PRLR: variants seen among roughly 807,000 people sequenced by gnomAD.
PRLR encodes prolactin receptor.
A neutral mutation model predicts 40.2 loss-of-function variants in PRLR; 13 were observed. The observed-to-expected ratio is 0.32, with a 90% CI of 0.21 to 0.51. PRLR has a LOEUF of 0.51. Ranked by LOEUF, PRLR falls within the 20% of genes least tolerant of loss-of-function variation. The pLI is 0.97. For missense variants in PRLR, 656 were observed against 747.3 expected, an observed-to-expected ratio of 0.88 and a Z score of 1.42; for synonymous variants, 269 against 278.7, an observed-to-expected ratio of 0.97 and a Z score of 0.35.
intron 1 of PRLR, among the ~76,000 whole-genome samples, chr5:35,224,250 C>T (rs371496537): frequency 3.3e-5 from 5 of 152,170 alleles, no homozygotes; most frequent in Admixed American, 2.6e-4. Context: ...CATAGCTCCC[C>T]GCCCCACATC....
intron 1 of PRLR, among the ~76,000 whole-genome samples, chr5:35,151,201 C>A: frequency 6.6e-6 from 1 of 152,128 alleles, no homozygotes; most frequent in Non-Finnish European, 1.5e-5. Flanking sequence ...TGATATAATT[C>A]CCTTCCAGCT....
intron 5 of PRLR, among the ~76,000 whole-genome samples, chr5:35,078,666 C>G: frequency 6.6e-6 from 1 of 152,080 alleles, no homozygotes; most frequent in East Asian, 1.9e-4. Flanking sequence ...TGAAACTATT[C>G]CAATCAATAG....
chr5:35,084,715 C>T (rs1770736399), intron 4 of PRLR, 76 bp from the exon 5 acceptor site: 13 of 1,380,362 alleles, frequency 9.4e-6, no homozygotes, highest in Non-Finnish European at 1.2e-5. Flanking sequence ...TAGATCAATA[C>T]CACTGGCCTT....
chr5:35,076,811 C>T (rs1770133404), intron 5 of PRLR, among the ~76,000 whole-genome samples: 1 of 152,136 alleles, frequency 6.6e-6, no homozygotes, highest in African/African-American at 2.4e-5. Flanking sequence ...TCAGGCTACC[C>T]ACAAAGGGAA....
chr5:35,177,313 G>A (rs1206235595), intron 1 of PRLR, among the ~76,000 whole-genome samples: 2 of 152,022 alleles, frequency 1.3e-5, no homozygotes, highest in South Asian at 2.1e-4. Context: ...TCCACCTTAC[G>A]AGAAACACCC....
At chr5:35,125,423 T>C (rs1007298233) in intron 1 of PRLR, among the ~76,000 whole-genome samples, 1 of 152,168 alleles carries the variant, frequency 6.6e-6, no homozygotes, top group African/African-American at 2.4e-5. Context: ...ACACTAATAA[T>C]TTAAAGTGAA....
intron 1 of PRLR, among the ~76,000 whole-genome samples, chr5:35,207,352 T>C (rs1402071443): frequency 6.6e-6 from 1 of 152,092 alleles, no homozygotes; most frequent in Admixed American, 6.6e-5. Context: ...ATATTTATCC[T>C]GTAGTCCAGT....
Position 35,197,416 on chromosome 5 carries a change from C to CG in PRLR, c.-106+32851dup, listed in dbSNP as rs1232369663. ...CTGCTCCCCCAGGTCTACCCAAGTGCGGGGTTCCCCCTGGGAAGTTTCCCT... is the reference window on the plus strand; with the variant it reads ...CTGCTCCCCCAGGTCTACCCAAGTGCGGGGGTTCCCCCTGGGAAGTTTCCCT... On this transcript the variant is annotated intron_variant, in intron 1 of 9. Transcript: ENST00000618457. 6.6e-5 allele frequency among the ~76,000 whole-genome samples: 10 copies of CG among 152,176 alleles called. 1 individual carries two copies. The highest frequency in any genetic ancestry group is 3.3e-4 in the Admixed American group (5 of 15,286).
Position 35,056,312 on chromosome 5 carries a change from T to A in PRLR, c.*8777A>T, listed in dbSNP as rs916692821. On this transcript the variant is annotated 3_prime_UTR_variant, in exon 10 of 10. Coordinates refer to ENST00000618457, the MANE Select transcript of PRLR (RefSeq NM_000949.7). ...AAAAACAGACTCAGTTTCATCTGCA[T>A]AGTTTCGAGGGACTTTCAAAGGTGA... 5 of 152,128 alleles carry A rather than the reference T, an allele frequency of 3.3e-5. No homozygotes were observed. The highest frequency in any genetic ancestry group is 5.9e-5 in the Non-Finnish European group (4 of 68,032). 9.4% of individuals were successfully genotyped at this position (152,128 alleles called of 1,614,324 possible). A position where few individuals can be genotyped will look rare whatever the true frequency, so the allele number is the denominator to read the frequency against.
At chr5:35,125,963 G>A (rs1009921477) in intron 1 of PRLR, among the ~76,000 whole-genome samples, 3 of 152,158 alleles carry the variant, frequency 2.0e-5, no homozygotes, top group African/African-American at 4.8e-5. Context: ...TGACCCTTAC[G>A]AAGCAGCAAA....
At chr5:35,181,725 A>G (rs574253054) in intron 1 of PRLR, among the ~76,000 whole-genome samples, 1 of 152,240 alleles carries the variant, frequency 6.6e-6, no homozygotes, top group Non-Finnish European at 1.5e-5. Context: ...CTTCTTAAGC[A>G]GAAAAGGCTC....
At chr5:35,159,244 C>G (rs1221165514) in intron 1 of PRLR, among the ~76,000 whole-genome samples, 1 of 151,620 alleles carries the variant, frequency 6.6e-6, no homozygotes, top group African/African-American at 2.4e-5. Flanking sequence ...TTTTTGGCAT[C>G]CTTCGGCCTT....
At chr5:35,222,854 T>C (rs1374507180) in intron 1 of PRLR, among the ~76,000 whole-genome samples, 1 of 152,202 alleles carries the variant, frequency 6.6e-6, no homozygotes, top group Non-Finnish European at 1.5e-5. Flanking sequence ...TCTCAATTTG[T>C]AAAGTTGGAG....
At chr5:35,132,131 T>C (rs1251728411) in intron 1 of PRLR, among the ~76,000 whole-genome samples, 3 of 152,226 alleles carry the variant, frequency 2.0e-5, no homozygotes, top group Non-Finnish European at 4.4e-5. Flanking sequence ...TCAGGGTTTC[T>C]ATTTTATTCA....
intron 1 of PRLR, among the ~76,000 whole-genome samples, chr5:35,142,823 G>GT (rs1774062466): frequency 6.6e-6 from 1 of 152,200 alleles, no homozygotes; most frequent in Admixed American, 6.5e-5. Flanking sequence ...AGGTTGTCTG[G>GT]TTTTGATTCT....
chr5:35,048,886 T>A, exon 9 of PRLR: 1 of 326,670 alleles, frequency 3.1e-6, no homozygotes, highest in Non-Finnish European at 6.1e-6. Flanking sequence ...CAAAGCTGAT[T>A]GCAACTAGGG....
chr5:35,226,658 T>G (rs1269809807), intron 1 of PRLR, among the ~76,000 whole-genome samples: 1 of 152,226 alleles, frequency 6.6e-6, no homozygotes, highest in Non-Finnish European at 1.5e-5. Flanking sequence ...AAATGCGGGT[T>G]TAAGTTCAAG....
chr5:35,131,131 G>A (rs969936586), intron 1 of PRLR, among the ~76,000 whole-genome samples: 3 of 152,174 alleles, frequency 2.0e-5, no homozygotes, highest in East Asian at 1.9e-4. Context: ...ATTTATATGT[G>A]AGTCAGCTGG....
At chr5:35,055,573 T>G (rs796266579), downstream of PRLR, 12 of 152,200 alleles carry the variant, frequency 7.9e-5, no homozygotes, top group African/African-American at 2.9e-4. Flanking sequence ...AAAATGCAGT[T>G]CCCCCTCCTT....
Sources: gnomAD v4.1 joint callset for allele counts (sites outside exome capture counted in the v4.1 genomes callset) on GRCh38, gnomAD v4.1.1 for gene constraint, MANE v1.5 for transcripts, NCBI Gene and HGNC (gene_info 2026-07-23, HGNC 2026-07-21) for gene names.